Variants in ARAP2 observed in about 807,000 individuals in gnomAD.
The protein encoded by ARAP2 is ArfGAP with RhoGAP domain, ankyrin repeat and PH domain 2, also known as arf-GAP with Rho-GAP domain, ANK repeat and PH domain-containing protein 2.
A neutral mutation model predicts 194.5 loss-of-function variants in ARAP2; 148 were observed. The observed-to-expected ratio is 0.76, with a 90% CI of 0.67 to 0.87. The LOEUF (loss-of-function observed/expected upper bound fraction) is 0.87, where lower values mean the gene tolerates loss of function less well. Ranked by LOEUF, ARAP2 falls within the 40% of genes least tolerant of loss-of-function variation. ARAP2 has a pLI of 0.00. For missense variants in ARAP2, 2,128 were observed against 1,989.7 expected (o/e 1.07, Z -1.32); for synonymous variants, 695 against 683.5 (o/e 1.02, Z -0.26).
At chr4:36,132,493 T>A (rs1462085459) in intron 20 of ARAP2, among the ~76,000 whole-genome samples, 1 of 151,820 alleles carries the variant, frequency 6.6e-6, no homozygotes, top group Admixed American at 6.6e-5. Context: ...ATTTTAACAT[T>A]TTTACATTTA....
In ARAP2 at chr4:36,228,841, A is replaced by T; in HGVS notation, c.646T>A (p.Cys216Ser). The change falls in exon 2 of 33, where the codon TGC (cysteine) becomes AGC (serine). Residue 216 changes from cysteine (C) to serine (S), a missense_variant. Coordinates refer to ENST00000303965, the MANE Select transcript of ARAP2 (RefSeq NM_015230.4). Reference sequence around the variant, plus strand: ...GTTGAACAGCCAACAAAAGAAAGGCATTCAGAGTCTGCATTAGGGAGCTTA... The same window carrying T: ...GTTGAACAGCCAACAAAAGAAAGGCTTTCAGAGTCTGCATTAGGGAGCTTA... Reference protein sequence around the residue: ...LSKLPNADSECLSFVGCSTSG... With the variant: ...LSKLPNADSESLSFVGCSTSG... The T allele has an allele frequency of 6.2e-7, 1 of 1,614,184 alleles. No individual in the cohort carries two copies. The highest frequency in any genetic ancestry group is 8.5e-7 in the Non-Finnish European group (1 of 1,180,014).
rs1368301898 is a variant in ARAP2, at chr4:36,167,110, T to C, written c.1858-63A>G. ...AAAAAAAAAGATTTTGAAAGTATAATTACATTTTCTAAATTCCAATAAATT... is the reference window on the plus strand; with the variant it reads ...AAAAAAAAAGATTTTGAAAGTATAACTACATTTTCTAAATTCCAATAAATT... On this transcript the variant is annotated intron_variant, in intron 9 of 32. Transcript: ENST00000303965. 10 of 991,554 alleles carry C rather than the reference T, an allele frequency of 1.0e-5. No individual in the cohort carries two copies. In the East Asian group the frequency reaches 2.4e-4, roughly 23 times the overall value. The allele number at this position is 991,554 out of a possible 1,614,324, so 61.4% of individuals were successfully genotyped here.
At chr4:36,036,824 T>C (rs1224729082) in intron 5 of ARAP2, among the ~76,000 whole-genome samples, 2 of 152,138 alleles carry the variant, frequency 1.3e-5, no homozygotes, top group Admixed American at 6.6e-5. Flanking sequence ...CCTTTCATCA[T>C]TGAGAAGCTC....
rs530520751 is a variant in ARAP2, at chr4:36,115,528, A to G, written c.4039-1241T>C. On this transcript the variant is annotated intron_variant, in intron 25 of 32. Transcript: ENST00000303965. ...AAACCAGAACTCTATTCCTTGCATC[A>G]AGAGAGACCAAAAGCTCCTCTTTAG... is the stretch of plus-strand genomic sequence containing the variant. Among the ~76,000 whole-genome samples the G allele has an allele frequency of 1.4e-4, 22 of 152,120 alleles. No homozygotes were observed. In the East Asian group the frequency reaches 4.1e-3, roughly 28 times the overall value.
chr4:36,240,009 G>T (rs1381275753), intron 1 of ARAP2, among the ~76,000 whole-genome samples: 1 of 152,074 alleles, frequency 6.6e-6, no homozygotes, highest in Non-Finnish European at 1.5e-5. Flanking sequence ...CACAATGCCC[G>T]AATTCCAGTC....
intron 24 of ARAP2, among the ~76,000 whole-genome samples, chr4:36,117,505 C>G (rs535591174): frequency 1.3e-5 from 2 of 151,644 alleles, no homozygotes; most frequent in East Asian, 3.9e-4. Flanking sequence ...ACAGGATAAA[C>G]AAAATGAGGG....
chr4:36,193,037 T>G (rs1742287930), intron 7 of ARAP2, among the ~76,000 whole-genome samples: 1 of 152,120 alleles, frequency 6.6e-6, no homozygotes, highest in Middle Eastern at 3.2e-3. Flanking sequence ...AAAATATTCA[T>G]CCAACCATCT....
chr4:36,219,265 C>T (rs752787458), intron 2 of ARAP2, among the ~76,000 whole-genome samples: 11 of 152,172 alleles, frequency 7.2e-5, no homozygotes, highest in Admixed American at 2.0e-4. Context: ...TCAAGAATAA[C>T]CACCCAAATA....
At chr4:36,197,138 T>C (rs549496962) in intron 6 of ARAP2, among the ~76,000 whole-genome samples, 2 of 152,036 alleles carry the variant, frequency 1.3e-5, no homozygotes, top group Admixed American at 6.6e-5. Context: ...TATTGATACA[T>C]ATTAATTGAC....
intron 3 of ARAP2, among the ~76,000 whole-genome samples, chr4:36,050,366 T>C (rs1722464361): frequency 6.6e-6 from 1 of 152,200 alleles, no homozygotes; most frequent in Non-Finnish European, 1.5e-5. Context: ...AGTACAAAAG[T>C]AACTCTTGCA....
At chr4:36,236,093 G>T (rs1752389740) in intron 1 of ARAP2, among the ~76,000 whole-genome samples, 1 of 151,534 alleles carries the variant, frequency 6.6e-6, no homozygotes, top group Non-Finnish European at 1.5e-5. Flanking sequence ...GTGGGAGGAT[G>T]GGTTGAGCTC....
intron 22 of ARAP2, among the ~76,000 whole-genome samples, chr4:36,123,139 TG>T (rs1221329678): frequency 1.3e-5 from 2 of 151,846 alleles, no homozygotes; most frequent in African/African-American, 4.8e-5. Flanking sequence ...ACAATGTCTA[TG>T]CTTTTACAGT....
At chr4:36,052,683 G>A (rs1027325417) in intron 2 of ARAP2, among the ~76,000 whole-genome samples, 2 of 152,086 alleles carry the variant, frequency 1.3e-5, no homozygotes, top group Non-Finnish European at 2.9e-5. Flanking sequence ...AAAATTTTAC[G>A]GCTGGGCTCG....
intron 9 of ARAP2, among the ~76,000 whole-genome samples, chr4:36,009,205 A>T (rs1713920217): frequency 6.6e-6 from 1 of 152,172 alleles, no homozygotes; most frequent in Non-Finnish European, 1.5e-5. Context: ...GTATATACTC[A>T]AAGGAAAATA....
At chr4:36,052,240 A>T (rs1367338161) in intron 2 of ARAP2, among the ~76,000 whole-genome samples, 1 of 152,260 alleles carries the variant, frequency 6.6e-6, no homozygotes, top group Non-Finnish European at 1.5e-5. Context: ...TAAAATTGCC[A>T]GGAAACACAA....
rs1477959118 is a variant in ARAP2, at chr4:36,114,501, A to G, written c.4039-214T>C. 2.6e-5 allele frequency among the ~76,000 whole-genome samples: 4 copies of G among 152,166 alleles called. No individual in the cohort carries two copies. In the East Asian group the frequency reaches 7.8e-4, roughly 30 times the overall value. ...TACAAAAAGAGATCACAATATAGAC[A>G]TAAGAGAATTTTTTAATCTCTTACT... On this transcript the variant is annotated intron_variant, in intron 25 of 32. Coordinates refer to ENST00000303965, the MANE Select transcript of ARAP2 (RefSeq NM_015230.4).
At chr4:36,140,143 C>CACAT (rs1553917277) in intron 19 of ARAP2, among the ~76,000 whole-genome samples, 3 of 145,772 alleles carry the variant, frequency 2.1e-5, no homozygotes, top group Non-Finnish European at 4.5e-5. Context: ...AAACAATACA[C>CACAT]ACACACACAC....
At chr4:36,044,118 T>C (rs1208413505) in intron 5 of ARAP2, among the ~76,000 whole-genome samples, 7 of 152,164 alleles carry the variant, frequency 4.6e-5, no homozygotes, top group Non-Finnish European at 8.8e-5. Context: ...ATTTAGCATG[T>C]AGTGTCCCGT....
chr4:36,095,594 C>T (rs1393242258), intron 27 of ARAP2, among the ~76,000 whole-genome samples: 1 of 152,130 alleles, frequency 6.6e-6, no homozygotes, highest in African/African-American at 2.4e-5. Context: ...AGGGTAGCTC[C>T]TTTAACAGCA....
Sources: gnomAD v4.1 joint callset for allele counts (sites outside exome capture counted in the v4.1 genomes callset) on GRCh38, gnomAD v4.1.1 for gene constraint, MANE v1.5 for transcripts, NCBI Gene and HGNC (gene_info 2026-07-23, HGNC 2026-07-21) for gene names.